Variants in DOK6 observed in about 807,000 individuals in gnomAD.
DOK6 encodes docking protein 6, also known as downstream of tyrosine kinase 6.
Under a neutral mutation model 44.0 loss-of-function variants are expected in DOK6, and 22 were observed. That is an observed-to-expected ratio of 0.50 (90% CI 0.36 to 0.71). The LOEUF (loss-of-function observed/expected upper bound fraction) is 0.71. Ranked by LOEUF, DOK6 falls within the 30% of genes least tolerant of loss-of-function variation. The pLI is 0.00. For synonymous variants in DOK6, 166 were observed against 145.5 expected (o/e 1.14, Z -1.01); for missense variants, 340 against 416.4 (o/e 0.82, Z 1.60).
intron 1 of DOK6, among the ~76,000 whole-genome samples, chr18:69,415,923 C>T (rs1246316362): frequency 3.3e-5 from 5 of 152,014 alleles, no homozygotes; most frequent in Non-Finnish European, 7.4e-5. Context: ...TAAACATTTC[C>T]AGTGAATACA....
At chr18:69,839,752 A>G (rs1355101746) in intron 7 of DOK6, among the ~76,000 whole-genome samples, 1 of 152,196 alleles carries the variant, frequency 6.6e-6, no homozygotes, top group African/African-American at 2.4e-5. Context: ...TAGAGCCTCC[A>G]GGCGCCGTGG....
chr18:69,606,583 C>T (rs1300829561), intron 3 of DOK6, among the ~76,000 whole-genome samples: 5 of 151,760 alleles, frequency 3.3e-5, no homozygotes. Flanking sequence ...AAACAAAAGA[C>T]GTCCAAATTA....
At chr18:69,648,328 G>A (rs994427539) in intron 3 of DOK6, among the ~76,000 whole-genome samples, 1 of 152,200 alleles carries the variant, frequency 6.6e-6, no homozygotes, top group Admixed American at 6.5e-5. Flanking sequence ...CTGAACAAAA[G>A]CAAAACAAAA....
At chr18:69,622,860 G>C (rs575206434) in intron 3 of DOK6, among the ~76,000 whole-genome samples, 2 of 152,036 alleles carry the variant, frequency 1.3e-5, no homozygotes, top group Non-Finnish European at 2.9e-5. Flanking sequence ...ACCTGACTAG[G>C]AAGAAAAAAA....
intron 7 of DOK6, among the ~76,000 whole-genome samples, chr18:69,828,882 G>GTATATATA (rs1475499795): frequency 4.4e-4 from 11 of 25,136 alleles, no homozygotes; most frequent in Non-Finnish European, 1.8e-3. Flanking sequence ...ATACATTTAT[G>GTATATATA]TGTATATATA....
intron 1 of DOK6, among the ~76,000 whole-genome samples, chr18:69,518,271 A>C (rs959526172): frequency 1.3e-5 from 2 of 151,768 alleles, no homozygotes; most frequent in African/African-American, 4.8e-5. Flanking sequence ...TCTCCTACTT[A>C]TCCTTCCCTT....
chr18:69,477,240 T>C (rs529935565), intron 1 of DOK6, among the ~76,000 whole-genome samples: 24 of 152,212 alleles, frequency 1.6e-4, no homozygotes, highest in African/African-American at 5.3e-4. Flanking sequence ...AGCCCACAAG[T>C]GTGGAAGCAG....
chr18:69,462,669 T>A (rs1004119384), intron 1 of DOK6, among the ~76,000 whole-genome samples: 1 of 152,220 alleles, frequency 6.6e-6, no homozygotes, highest in Non-Finnish European at 1.5e-5. Flanking sequence ...AAAATGTTTT[T>A]ATACAGCATT....
rs1014262653 is a variant in DOK6, at chr18:69,435,178, C to T, written c.66+33868C>T. ...GGTCTTAGCCTGCTCCACAGTTGAG[C>T]TCTGGAACTGGGATGGGCCTTCAGA... On this transcript the variant is annotated intron_variant, in intron 1 of 7. Transcript: ENST00000382713. Among the ~76,000 whole-genome samples, 14 of 152,252 alleles carry T rather than the reference C, an allele frequency of 9.2e-5. No homozygotes were observed. The East Asian group carries it at 2.7e-3, about 29-fold the overall frequency.
At chr18:69,436,127 C>T (rs1335127153) in intron 1 of DOK6, among the ~76,000 whole-genome samples, 2 of 150,600 alleles carry the variant, frequency 1.3e-5, no homozygotes, top group Non-Finnish European at 2.9e-5. Flanking sequence ...CGCAGCCTCT[C>T]TATTCTTGAG....
At chr18:69,544,329 T>C (rs1036093295) in intron 1 of DOK6, among the ~76,000 whole-genome samples, 4 of 151,588 alleles carry the variant, frequency 2.6e-5, no homozygotes, top group African/African-American at 9.7e-5. Context: ...ATATTATCCA[T>C]GCGTTAGTGA....
At chr18:69,440,421 T>C (rs1467460629) in intron 1 of DOK6, among the ~76,000 whole-genome samples, 1 of 152,130 alleles carries the variant, frequency 6.6e-6, no homozygotes, top group African/African-American at 2.4e-5. Context: ...TTTCAATCTG[T>C]AAAAAATGCA....
At chr18:69,710,067 TA>T (rs2144714229) in intron 5 of DOK6, among the ~76,000 whole-genome samples, 1 of 152,278 alleles carries the variant, frequency 6.6e-6, no homozygotes, top group South Asian at 2.1e-4. Flanking sequence ...TAGTCCCAGC[TA>T]CTGGGGAGGC....
At chr18:69,435,332 A>T (rs1037509862) in intron 1 of DOK6, among the ~76,000 whole-genome samples, 2 of 152,212 alleles carry the variant, frequency 1.3e-5, no homozygotes, top group African/African-American at 4.8e-5. Flanking sequence ...TTTATCAAAT[A>T]TTTATTTAAG....
intron 2 of DOK6, among the ~76,000 whole-genome samples, chr18:69,579,809 C>G (rs1224743676): frequency 6.6e-6 from 1 of 152,086 alleles, no homozygotes; most frequent in Non-Finnish European, 1.5e-5. Flanking sequence ...GTCTCGATCT[C>G]CTAACCTCAT....
intron 3 of DOK6, among the ~76,000 whole-genome samples, chr18:69,675,011 T>G (rs907768880): frequency 1.3e-5 from 2 of 152,206 alleles, no homozygotes; most frequent in African/African-American, 2.4e-5. Context: ...ATATGTACTC[T>G]ACTTTTATTA....
intron 7 of DOK6, among the ~76,000 whole-genome samples, chr18:69,774,471 A>G (rs575816887): frequency 6.6e-6 from 1 of 152,016 alleles, no homozygotes; most frequent in South Asian, 2.1e-4. Flanking sequence ...TTACTCATGT[A>G]ACCAAACACT....
intron 1 of DOK6, among the ~76,000 whole-genome samples, chr18:69,424,529 T>C (rs1308238002): frequency 1.3e-5 from 2 of 152,200 alleles, no homozygotes; most frequent in Non-Finnish European, 2.9e-5. Context: ...ACAATACAGT[T>C]GTCTTATGTT....
At chr18:69,420,519 T>G (rs559243712) in intron 1 of DOK6, among the ~76,000 whole-genome samples, 7 of 152,264 alleles carry the variant, frequency 4.6e-5, no homozygotes, top group Middle Eastern at 3.4e-3. Flanking sequence ...TACTTTAAGT[T>G]CTAGGGTACA....
Sources: gnomAD v4.1 joint callset for allele counts (sites outside exome capture counted in the v4.1 genomes callset) on GRCh38, gnomAD v4.1.1 for gene constraint, MANE v1.5 for transcripts, NCBI Gene and HGNC (gene_info 2026-07-23, HGNC 2026-07-21) for gene names.